Variants in STAU2 observed in about 807,000 individuals in gnomAD.
STAU2 encodes double-stranded RNA-binding protein Staufen homolog 2.
In STAU2, 20 loss-of-function variants were observed where a neutral mutation model predicts 65.9. The observed-to-expected ratio is 0.30, with a 90% CI of 0.21 to 0.44. The LOEUF is 0.44. Among genes scored for constraint, STAU2 ranks in the 20% least tolerant of loss-of-function variants. The pLI is 1.00. For missense variants in STAU2, 558 were observed against 683.9 expected (o/e 0.82, Z 2.05); for synonymous variants, 232 against 233.9 (o/e 0.99, Z 0.07).
At chr8:73,535,263 G>A (rs899343366) in intron 13 of STAU2, among the ~76,000 whole-genome samples, 7 of 151,884 alleles carry the variant, frequency 4.6e-5, no homozygotes, top group Middle Eastern at 3.2e-3. Context: ...TCCACCTCCC[G>A]GGTTCACGCC....
At chr8:73,532,315 C>T (rs1805874881) in intron 13 of STAU2, among the ~76,000 whole-genome samples, 1 of 152,178 alleles carries the variant, frequency 6.6e-6, no homozygotes, top group Admixed American at 6.5e-5. Flanking sequence ...AAAGCAGTAC[C>T]TTGTGCGGGG....
At chr8:73,511,508 G>C (rs772690577) in intron 13 of STAU2, 4 of 152,696 alleles carry the variant, frequency 2.6e-5, no homozygotes, top group African/African-American at 4.8e-5. Context: ...ACTTAACAAA[G>C]AGTTGTGTGG....
At chr8:73,430,856 C>T (rs559844117) in intron 13 of STAU2, among the ~76,000 whole-genome samples, 1 of 152,144 alleles carries the variant, frequency 6.6e-6, no homozygotes, top group East Asian at 1.9e-4. Context: ...TATTAAAAGA[C>T]ACTTTGGAAT....
chr8:73,486,654 TA>T (rs1171736795), intron 13 of STAU2, among the ~76,000 whole-genome samples: 32 of 77,826 alleles, frequency 4.1e-4, no homozygotes, highest in African/African-American at 2.1e-4. Context: ...TATATATATA[TA>T]TATTTTTTTT....
rs1811622263 is a variant in STAU2, at chr8:73,601,424, G to A, written c.1029+2302C>T. Among the ~76,000 whole-genome samples, 5 of 151,926 alleles carry A rather than the reference G, an allele frequency of 3.3e-5. No homozygotes were observed. The South Asian group carries it at 1.0e-3, about 32-fold the overall frequency. On this transcript the variant is annotated intron_variant, in intron 10 of 14. Coordinates refer to ENST00000524300, the MANE Select transcript of STAU2 (RefSeq NM_001164380.2). ...AATAAAATACCCAAATAATGTCATC[G>A]GAGATTTTCTTTCGTTTATCTAGTA...
intron 13 of STAU2, among the ~76,000 whole-genome samples, chr8:73,444,407 CAAAAAAA>C (rs55722523): frequency 3.1e-5 from 4 of 128,404 alleles, no homozygotes; most frequent in Admixed American, 1.6e-4. Flanking sequence ...AAAACTCCAT[CAAAAAAA>C]AAAAAAAAAA....
At position 73,498,726 on chromosome 8, in the gene STAU2, C is replaced by T. The variant is rs553827329; in HGVS notation, c.1530+53286G>A. 1.5e-4 allele frequency among the ~76,000 whole-genome samples: 23 copies of T among 151,798 alleles called. No individual in the cohort carries two copies. In the South Asian group the frequency reaches 4.8e-3, roughly 31 times the overall value. On this transcript the variant is annotated intron_variant, in intron 13 of 14. Transcript: ENST00000524300. The stretch of plus-strand genomic sequence containing the variant: ...ATTTGGGGAGATTAAGAAACTTGCC[C>T]AAGGCAACCCAGCAAGTGAGTATAT...
intron 6 of STAU2, among the ~76,000 whole-genome samples, chr8:73,669,562 C>G: frequency 6.6e-6 from 1 of 152,086 alleles, no homozygotes; most frequent in Non-Finnish European, 1.5e-5. Context: ...TCTGATCAAG[C>G]CACATTGGCC....
At chr8:73,727,972 T>G (rs143610138) in intron 3 of STAU2, 1 of 152,240 alleles carries the variant, frequency 6.6e-6, no homozygotes, top group Non-Finnish European at 1.5e-5. Context: ...ACTAATGATG[T>G]TGAGTATTAA....
At chr8:73,585,543 T>C (rs1286232395) in intron 11 of STAU2, among the ~76,000 whole-genome samples, 1 of 152,246 alleles carries the variant, frequency 6.6e-6, no homozygotes, top group Non-Finnish European at 1.5e-5. Flanking sequence ...CTGAGAGCTA[T>C]GCCTAACTTC....
chr8:73,684,049 A>G (rs1261447157), intron 5 of STAU2, among the ~76,000 whole-genome samples: 2 of 152,192 alleles, frequency 1.3e-5, no homozygotes, highest in Non-Finnish European at 2.9e-5. Flanking sequence ...CTATCTACAA[A>G]TTCTATGCAA....
At chr8:73,690,922 A>G (rs1305960129) in intron 4 of STAU2, among the ~76,000 whole-genome samples, 1 of 152,182 alleles carries the variant, frequency 6.6e-6, no homozygotes. Flanking sequence ...TTCAATGACT[A>G]GCTCTTTTTC....
intron 6 of STAU2, among the ~76,000 whole-genome samples, chr8:73,621,707 C>T (rs16938705): frequency 0.036 from 5,417 of 152,216 alleles, 276 homozygotes; most frequent in African/African-American, 0.12. Flanking sequence ...ATCCTACTTT[C>T]ATCAGAATTA....
chr8:73,460,875 A>T (rs371548625), intron 13 of STAU2, among the ~76,000 whole-genome samples: 7 of 152,318 alleles, frequency 4.6e-5, no homozygotes, highest in African/African-American at 1.7e-4. Context: ...TCTGAGAGCA[A>T]TTCATTCCAA....
At chr8:73,588,406 C>A (rs1586068206) in intron 11 of STAU2, among the ~76,000 whole-genome samples, 1 of 152,238 alleles carries the variant, frequency 6.6e-6, no homozygotes, top group Admixed American at 6.5e-5. Context: ...GACAGCAGCT[C>A]TTTTCCATTG....
chr8:73,686,870 G>A (rs1314523985), intron 5 of STAU2, among the ~76,000 whole-genome samples: 7 of 149,128 alleles, frequency 4.7e-5, no homozygotes, highest in African/African-American at 9.8e-5. Context: ...GGTGGTTTGC[G>A]GAATTTGTGA....
intron 3 of STAU2, among the ~76,000 whole-genome samples, chr8:73,716,041 A>T (rs895702670): frequency 6.6e-6 from 1 of 151,740 alleles, no homozygotes; most frequent in Non-Finnish European, 1.5e-5. Flanking sequence ...CAGCCTCCTG[A>T]GTAGCTGGGA....
intron 11 of STAU2, among the ~76,000 whole-genome samples, chr8:73,593,671 C>T (rs918988119): frequency 6.6e-6 from 1 of 152,136 alleles, no homozygotes; most frequent in African/African-American, 2.4e-5. Flanking sequence ...GGGTAGTCCT[C>T]ATCTAATCAG....
chr8:73,506,654 C>A (rs1822085707), intron 13 of STAU2, among the ~76,000 whole-genome samples: 1 of 152,070 alleles, frequency 6.6e-6, no homozygotes, highest in African/African-American at 2.4e-5. Flanking sequence ...ACTGGGGTGG[C>A]TATGGTTAAG....
Sources: allele counts gnomAD v4.1 joint callset (sites outside exome capture counted in the v4.1 genomes callset), GRCh38; gene constraint gnomAD v4.1.1; transcripts MANE v1.5; gene names NCBI Gene and HGNC (gene_info 2026-07-23, HGNC 2026-07-21).